CCNA2: variants seen among roughly 807,000 people sequenced by gnomAD.
CCNA2 encodes cyclin-A2.
A neutral mutation model predicts 49.4 loss-of-function variants in CCNA2; 3 were observed. That is an observed-to-expected ratio of 0.06 (90% confidence interval 0.03 to 0.16). The LOEUF (loss-of-function observed/expected upper bound fraction) is 0.16, where lower values mean the gene tolerates loss of function less well. CCNA2 is among the 10% of genes least tolerant of loss of function. CCNA2 has a pLI of 1.00. For synonymous variants in CCNA2, 206 were observed against 197.2 expected (o/e 1.04, Z -0.37); for missense variants, 372 against 519.7 (o/e 0.72, Z 2.76).
rs771290221 is a variant in CCNA2, at chr4:121,821,042, T to C, written c.507A>G (p.Pro169=). 4 of 1,613,308 alleles carry C rather than the reference T, an allele frequency of 2.5e-6. No individual in the cohort carries two copies. The highest frequency in any genetic ancestry group is 2.7e-5 in the African/African-American group (2 of 75,042). The change falls in exon 3 of 8, where the codon CCA becomes CCG. Residue 169 remains proline, a synonymous_variant. Coordinates refer to ENST00000274026, the MANE Select transcript of CCNA2 (RefSeq NM_001237.5). ...AGTCTGGTACTTCATTAACACTCACTGGCTTTTCATCTTCTAATATAATTG... is the reference window on the plus strand; with the variant it reads ...AGTCTGGTACTTCATTAACACTCACCGGCTTTTCATCTTCTAATATAATTG... ...DMSIILEDEK[P]VSVNEVPDYH... is the part of the protein sequence containing the mutation.
chr4:121,823,476 C>A lies in CCNA2; in HGVS notation c.153G>T (p.Ala51=), dbSNP rs774522287. 1.9e-6 allele frequency: 3 copies of A among 1,613,386 alleles called. No individual in the cohort carries two copies. The African/African-American group carries it at 4.0e-5, about 22-fold the overall frequency. ...VQQPRTRAAL[A]VLKSGNPRGL... is the part of the protein sequence containing the mutation. The stretch of plus-strand genomic sequence containing the variant: ...CCCGCGGGTTCCCGGACTTCAGTAC[C>A]GCCAGCGCGGCCCGGGTCCGCGGTT... The change falls in exon 1 of 8, where the codon GCG becomes GCT. Residue 51 remains alanine, a synonymous_variant. Coordinates refer to ENST00000274026, the MANE Select transcript of CCNA2 (RefSeq NM_001237.5).
chr4:121,821,045 C>A lies in CCNA2; in HGVS notation c.504G>T (p.Lys168Asn). The A allele has an allele frequency of 6.2e-7, 1 of 1,613,210 alleles. No individual in the cohort carries two copies. ...MDMSIILEDEKPVSVNEVPDY... is the reference protein window; with the variant it reads ...MDMSIILEDENPVSVNEVPDY... ...CTGGTACTTCATTAACACTCACTGGCTTTTCATCTTCTAATATAATTGACA... is the reference window on the plus strand; with the variant it reads ...CTGGTACTTCATTAACACTCACTGGATTTTCATCTTCTAATATAATTGACA... The change falls in exon 3 of 8, where the codon AAG becomes AAT. Residue 168 changes from lysine (K) to asparagine (N), a missense_variant. Physicochemically the swap from Lys to Asn is moderately conservative, Grantham distance 94 (BLOSUM62 0). Transcript: ENST00000274026.
chr4:121,820,160 C>CA lies in CCNA2; in HGVS notation c.794+381dup, dbSNP rs1276966313. Among the ~76,000 whole-genome samples, 1 of 152,074 alleles carries CA rather than the reference C, an allele frequency of 6.6e-6. No homozygotes were observed. Among genetic ancestry groups the CA allele is most frequent in the Admixed American group, 6.5e-5 (1 of 15,278 alleles). ...TTCGCCATGATGGCCAGGCTGGTCTCAAACTCCTGACCTCAAGTGATCCGC... is the reference window on the plus strand; with the variant it reads ...TTCGCCATGATGGCCAGGCTGGTCTCAAAACTCCTGACCTCAAGTGATCCGC... On this transcript the variant is annotated intron_variant, in intron 4 of 7. Transcript: ENST00000274026. This position sits in a 1 kb window ranked among gnomAD's most constrained non-coding sequence, Gnocchi z 4.1.
intron 5 of CCNA2, among the ~76,000 whole-genome samples, 172 bp downstream of exon 5, chr4:121,819,198 TTA>T (rs1334832594): frequency 2.6e-5 from 4 of 152,196 alleles, no homozygotes; most frequent in Admixed American, 2.6e-4. Flanking sequence ...CTGATATAGA[TTA>T]TCTTTTGCCA....
chr4:121,818,431 T>C (rs1312366235), intron 6 of CCNA2, among the ~76,000 whole-genome samples: 1 of 152,194 alleles, frequency 6.6e-6, no homozygotes, highest in Non-Finnish European at 1.5e-5. Context: ...TAACAAACAC[T>C]GTTCAACAGG....
In CCNA2 at chr4:121,820,492, C is replaced by A; in HGVS notation, c.794+50G>T. The A allele has an allele frequency of 1.5e-6, 2 of 1,342,410 alleles. No homozygotes were observed. 83.2% of individuals were successfully genotyped at this position (1,342,410 alleles called of 1,614,324 possible). A position where few individuals can be genotyped will look rare whatever the true frequency, so the allele number is the denominator to read the frequency against. On this transcript the variant is annotated intron_variant, in intron 4 of 7. Coordinates refer to ENST00000274026, the MANE Select transcript of CCNA2 (RefSeq NM_001237.5). The surrounding 1 kb of genome is among the most constrained non-coding windows in gnomAD (Gnocchi z 4.1). ...TCACCATTAAAAAAATCAATTTCTT[C>A]CCTAGACAAAAGGTCGTGATCACTT... is the stretch of plus-strand genomic sequence containing the variant.
intron 7 of CCNA2, 81 bp downstream of exon 7, chr4:121,817,963 T>C (rs769252): frequency 1.5e-6 from 2 of 1,378,230 alleles, no homozygotes; most frequent in South Asian, 1.3e-5. Flanking sequence ...CTATGGCAGA[T>C]TCATGAATAA....
Position 121,820,711 on chromosome 4 carries a change from T to G in CCNA2, c.625A>C (p.Ser209Arg). ...YMKKQPDITN[S>R]MRAILVDWLV... The stretch of plus-strand genomic sequence containing the variant: ...CAGTCCACGAGGATAGCTCTCATAC[T>G]GTTAGTGATGTCTGGCTGTTTCTTC... Residue 209 changes from serine (S) to arginine (R), a missense_variant, in exon 4 of 8, where the codon AGT becomes CGT. Around this residue, in one of 2 missense-constraint regions of CCNA2, gnomAD observed 155 missense variants for 288.1 expected, o/e 0.54. Coordinates refer to ENST00000274026, the MANE Select transcript of CCNA2 (RefSeq NM_001237.5). This position sits in a 1 kb window ranked among gnomAD's most constrained non-coding sequence, Gnocchi z 4.1. 1 of 1,614,052 alleles carries G rather than the reference T, an allele frequency of 6.2e-7. No homozygotes were observed. The highest frequency in any genetic ancestry group is 8.5e-7 in the Non-Finnish European group (1 of 1,179,862).
chr4:121,819,625 A>G, intron 4 of CCNA2, 46 bp from the exon 5 acceptor site: 1 of 1,314,112 alleles, frequency 7.6e-7, no homozygotes, highest in Non-Finnish European at 1.1e-6. Context: ...AAGAGAAGCA[A>G]GCTTCCTTAT....
rs1253504284 is a variant in CCNA2 at position 121,823,795 on chromosome 4, G to C, written c.-167C>G. 1.6e-5 allele frequency: 21 copies of C among 1,303,078 alleles called. No individual in the cohort carries two copies. Among genetic ancestry groups the C allele is most frequent in the Non-Finnish European group, 2.1e-5 (21 of 983,820 alleles). 80.7% of individuals were successfully genotyped at this position (1,303,078 alleles called of 1,614,324 possible). On this transcript the variant is annotated 5_prime_UTR_variant, in exon 1 of 8. Coordinates refer to ENST00000274026, the MANE Select transcript of CCNA2 (RefSeq NM_001237.5). Reference sequence around the variant, plus strand: ...GCTCGCTCACCCAGCTCGAGACCACGCAGGGCCGAGGAGGTTGCGAAAGGC... The same window carrying C: ...GCTCGCTCACCCAGCTCGAGACCACCCAGGGCCGAGGAGGTTGCGAAAGGC...
At chr4:121,822,311 T>C (rs1724707602) in intron 2 of CCNA2, 92 bp downstream of exon 2, 1 of 1,284,862 alleles carries the variant, frequency 7.8e-7, no homozygotes, top group African/African-American at 1.5e-5. Flanking sequence ...ATAGTCAAAA[T>C]GACTACATAA....
chr4:121,818,818 T>A lies in CCNA2; in HGVS notation c.1098A>T (p.Thr366=), dbSNP rs749044752. ...TACATACCCAGCTTTGTCCCGTGAC[T>A]GTGTAGAGTGCTAAATGAAAGGCAG... ...AGAAFHLALY[T]VTGQSWPESL... is the part of the protein sequence containing the mutation. Residue 366 remains threonine (T), a synonymous_variant, in exon 6 of 8, where the codon ACA becomes ACT. Coordinates refer to ENST00000274026, the MANE Select transcript of CCNA2 (RefSeq NM_001237.5). The A allele has an allele frequency of 2.5e-6, 4 of 1,610,714 alleles. No individual in the cohort carries two copies. Among genetic ancestry groups the A allele is most frequent in the East Asian group, 2.2e-5 (1 of 44,874 alleles).
chr4:121,821,174 C>A, intron 2 of CCNA2, 83 bp from the exon 3 acceptor site: 2 of 1,468,550 alleles, frequency 1.4e-6, no homozygotes, highest in Non-Finnish European at 1.8e-6. Context: ...TGGAAGGAAT[C>A]TCATATTAAC....
intron 2 of CCNA2, among the ~76,000 whole-genome samples, chr4:121,821,354 ATTATC>A (rs1724688861): frequency 6.6e-6 from 1 of 151,836 alleles, no homozygotes; most frequent in South Asian, 2.1e-4. Flanking sequence ...AGAATCAGGT[ATTATC>A]TTAAAGTATC....
Position 121,823,448 on chromosome 4 carries a change from G to A in CCNA2, c.181C>T (p.Leu61=). Residue 61 remains leucine (L), a synonymous_variant, in exon 1 of 8, where the codon CTA becomes TTA. Coordinates refer to ENST00000274026, the MANE Select transcript of CCNA2 (RefSeq NM_001237.5). ...GTCTTCGGCCTCTGCTGCTGCGCTA[G>A]ACCCCGCGGGTTCCCGGACTTCAGT... ...AVLKSGNPRG[L]AQQQRPKTRR... The A allele has an allele frequency of 6.2e-7, 1 of 1,613,304 alleles. No homozygotes were observed. Among genetic ancestry groups the A allele is most frequent in the Non-Finnish European group, 8.5e-7 (1 of 1,179,792 alleles).
At position 121,817,452 on chromosome 4, in the gene CCNA2, AAGAC is replaced by A. The variant is rs770898004; in HGVS notation, c.*182_*185del. 5 of 602,860 alleles carry A rather than the reference AAGAC, an allele frequency of 8.3e-6. No individual in the cohort carries two copies. Among genetic ancestry groups the A allele is most frequent in the Non-Finnish European group, 1.4e-5 (5 of 368,508 alleles). 37.3% of individuals were successfully genotyped at this position (602,860 alleles called of 1,614,324 possible). A position where few individuals can be genotyped will look rare whatever the true frequency, so the allele number is the denominator to read the frequency against. Reference sequence around the variant, plus strand: ...ACCACTTAAAATTAGCCAAATATCTAAGACAGATACATATACAAAAGATATACAA... The same window carrying A: ...ACCACTTAAAATTAGCCAAATATCTAAGATACATATACAAAAGATATACAA... On this transcript the variant is annotated 3_prime_UTR_variant, in exon 8 of 8. Coordinates refer to ENST00000274026, the MANE Select transcript of CCNA2 (RefSeq NM_001237.5).
In CCNA2 at chr4:121,823,852, A is replaced by G; in HGVS notation, c.-224T>C. Reference sequence around the variant, plus strand: ...AGGCACTGCCCAGCGTGGCGAGCCAAAGACGCCCAGAGATGCAGCGAGCAG... The same window carrying G: ...AGGCACTGCCCAGCGTGGCGAGCCAGAGACGCCCAGAGATGCAGCGAGCAG... On this transcript the variant is annotated 5_prime_UTR_variant, in exon 1 of 8. Coordinates refer to ENST00000274026, the MANE Select transcript of CCNA2 (RefSeq NM_001237.5). 1.3e-6 allele frequency: 1 copy of G among 748,212 alleles called. No homozygotes were observed. Among genetic ancestry groups the G allele is most frequent in the South Asian group, 2.2e-5 (1 of 45,008 alleles). The allele number at this position is 748,212 out of a possible 1,614,324, so 46.3% of individuals were successfully genotyped here.
chr4:121,823,423 G>C lies in CCNA2; in HGVS notation c.206C>G (p.Thr69Arg). ...TATCCCGCATCCCTTTACCCGTCTC[G>C]TCTTCGGCCTCTGCTGCTGCGCTAG... ...RGLAQQQRPK[T>R]RRVAPLKDLP... Residue 69 changes from threonine to arginine, a missense_variant, in exon 1 of 8, where the codon ACG becomes AGG. Thr to Arg is a moderately conservative substitution (Grantham distance 71). This residue lies in a region of CCNA2 where 217 missense variants were observed against 231.7 expected (regional missense o/e 0.94). Transcript: ENST00000274026. 1.2e-6 allele frequency: 2 copies of C among 1,611,334 alleles called. No homozygotes were observed. The highest frequency in any genetic ancestry group is 8.5e-7 in the Non-Finnish European group (1 of 1,178,574).
rs1316742794 is a variant in CCNA2 at position 121,816,640 on chromosome 4, A to G, written c.*998T>C. The G allele has an allele frequency of 8.4e-6, 8 of 956,846 alleles. No individual in the cohort carries two copies. Among genetic ancestry groups the G allele is most frequent in the Middle Eastern group, 2.8e-4 (1 of 3,628 alleles). 59.3% of individuals were successfully genotyped at this position (956,846 alleles called of 1,614,324 possible). ...ATTAGGACCTAAATCTATAATATAA[A>G]CTTCTTGGATGCCAGTCTTACTCAT... On this transcript the variant is annotated 3_prime_UTR_variant, in exon 8 of 8. Transcript: ENST00000274026.
Sources: gnomAD v4.1 joint callset for allele counts (sites outside exome capture counted in the v4.1 genomes callset) on GRCh38, gnomAD v4.1.1 for gene constraint, gnomAD v4.1.1 regional missense constraint, Gnocchi (gnomAD v3.1) non-coding constraint, MANE v1.5 for transcripts, NCBI Gene and HGNC (gene_info 2026-07-23, HGNC 2026-07-21) for gene names.